The following TENM2 variants were observed in gnomAD, a reference collection of about 807,000 sequenced individuals.
TENM2 encodes the protein teneurin-2.
In TENM2, 52 loss-of-function variants were observed where a neutral mutation model predicts 245.2. The observed-to-expected ratio is 0.21, with a 90% CI of 0.17 to 0.27. TENM2 has a LOEUF of 0.27. Among genes scored for constraint, TENM2 ranks in the 10% least tolerant of loss-of-function variants. The probability of loss-of-function intolerance (pLI) is 1.00; values close to 1 mark genes in which losing one functional copy is unlikely to be tolerated. For synonymous variants in TENM2, 1,363 were observed against 1,438.9 expected (o/e 0.95, Z 1.19); for missense variants, 3,046 against 3,666.8 (o/e 0.83, Z 4.37).
At chr5:168,199,166 C>T in intron 16 of TENM2, 52 bp downstream of exon 18, 1 of 1,559,480 alleles carries the variant, frequency 6.4e-7, no homozygotes, top group Non-Finnish European at 8.7e-7. Context: ...TAACGAAAAC[C>T]AACTGGACAC....
At chr5:168,084,508 C>T (rs944151544) in intron 7 of TENM2, among the ~76,000 whole-genome samples, 4 of 152,248 alleles carry the variant, frequency 2.6e-5, no homozygotes, top group Admixed American at 2.6e-4. Flanking sequence ...AGAGGTATTT[C>T]AGTTGGGTAG....
chr5:167,199,133 A>G, the TENM2 span, among the ~76,000 whole-genome samples: 1 of 149,580 alleles, frequency 6.7e-6, no homozygotes, highest in Non-Finnish European at 1.5e-5. Context: ...AATCACATGC[A>G]TTGTATTGTA....
chr5:167,202,877 A>C, the TENM2 span, among the ~76,000 whole-genome samples: 1 of 152,034 alleles, frequency 6.6e-6, no homozygotes, highest in Non-Finnish European at 1.5e-5. Flanking sequence ...ACCTTAGCAA[A>C]TGACCTACAC....
the TENM2 span, among the ~76,000 whole-genome samples, chr5:167,031,762 T>A: frequency 2.0e-5 from 3 of 152,052 alleles, no homozygotes; most frequent in Non-Finnish European, 4.4e-5. Flanking sequence ...ACGGGGTTTC[T>A]CCATATCAGT....
At chr5:168,117,552 T>C (rs1024577385) in intron 9 of TENM2, among the ~76,000 whole-genome samples, 24 of 152,248 alleles carry the variant, frequency 1.6e-4, no homozygotes, top group Non-Finnish European at 3.2e-4. Flanking sequence ...AGCTGTAACA[T>C]AAATTATGTG....
chr5:167,002,676 A>C, the TENM2 span, among the ~76,000 whole-genome samples: 5 of 151,840 alleles, frequency 3.3e-5, no homozygotes, highest in Non-Finnish European at 5.9e-5. Flanking sequence ...CAAAAAAAAA[A>C]CAGCCCCTGT....
chr5:167,897,435 C>T (rs1316125858), intron 3 of TENM2, among the ~76,000 whole-genome samples: 1 of 152,094 alleles, frequency 6.6e-6, no homozygotes, highest in Admixed American at 6.5e-5. Context: ...AACACAGATG[C>T]TTAGAAAAAG....
At chr5:168,062,002 A>G (rs1790080970) in intron 6 of TENM2, 58 bp from the exon 9 acceptor site, 1 of 1,446,744 alleles carries the variant, frequency 6.9e-7, no homozygotes, top group African/African-American at 1.4e-5. Flanking sequence ...AAACAAATAT[A>G]GAGCCAACTA....
intron 6 of TENM2, among the ~76,000 whole-genome samples, chr5:168,050,661 C>T (rs548465438): frequency 3.9e-5 from 6 of 152,218 alleles, no homozygotes; most frequent in Non-Finnish European, 7.3e-5. Flanking sequence ...ATAGAGATTT[C>T]ATTACCTGGT....
rs1762209010 is a variant in TENM2 at position 168,204,626 on chromosome 5, A to G, written c.3824+5A>G. The G allele has an allele frequency of 1.6e-5, 25 of 1,612,432 alleles. No individual in the cohort carries two copies. Among genetic ancestry groups the G allele is most frequent in the Non-Finnish European group, 2.1e-5 (25 of 1,178,542 alleles). ...GACCAGCATCTTGGAGTTACGGTAA[A>G]TGGCCTCACAGGCAACCTTCTTTTG... On this transcript the variant is annotated splice_donor_5th_base_variant and intron_variant, in intron 19 of 28. Coordinates refer to ENST00000518659, the Ensembl canonical transcript of TENM2.
the TENM2 span, among the ~76,000 whole-genome samples, chr5:167,051,124 G>A: frequency 6.6e-6 from 1 of 151,582 alleles, no homozygotes; most frequent in Non-Finnish European, 1.5e-5. Context: ...ACCTTCCTAT[G>A]AGAGACTATA....
At chr5:167,863,732 A>T (rs1210512926) in intron 2 of TENM2, among the ~76,000 whole-genome samples, 1 of 152,180 alleles carries the variant, frequency 6.6e-6, no homozygotes, top group East Asian at 1.9e-4. Context: ...AGGCCTACAG[A>T]ATGTAAGAAG....
intron 12 of TENM2, among the ~76,000 whole-genome samples, chr5:168,128,212 G>T (rs572885679): frequency 1.3e-5 from 2 of 152,184 alleles, no homozygotes; most frequent in Non-Finnish European, 2.9e-5. Context: ...GCAATCTCTC[G>T]ATGACGCTCC....
chr5:167,369,512 A>G (rs978011728), intron 1 of TENM2, among the ~76,000 whole-genome samples: 1 of 151,990 alleles, frequency 6.6e-6, no homozygotes, highest in African/African-American at 2.4e-5. Context: ...AAGCTTTACA[A>G]TCTAATTATA....
At chr5:167,453,224 T>G (rs1377416292) in intron 2 of TENM2, among the ~76,000 whole-genome samples, 1 of 151,948 alleles carries the variant, frequency 6.6e-6, no homozygotes, top group Admixed American at 6.6e-5. Context: ...GTTAAATACT[T>G]TTTTAAATGG....
chr5:167,465,409 A>G (rs948093693), intron 2 of TENM2, among the ~76,000 whole-genome samples: 1 of 152,224 alleles, frequency 6.6e-6, no homozygotes, highest in Non-Finnish European at 1.5e-5. Flanking sequence ...AAGGAGAATC[A>G]TGAGCTGAAC....
At chr5:167,046,345 A>G in the TENM2 span, among the ~76,000 whole-genome samples, 2 of 152,184 alleles carry the variant, frequency 1.3e-5, no homozygotes, top group African/African-American at 2.4e-5. Flanking sequence ...CCCATTAAAG[A>G]TCTACTTGCT....
chr5:168,138,394 C>T (rs2152393200), intron 12 of TENM2, among the ~76,000 whole-genome samples: 1 of 152,364 alleles, frequency 6.6e-6, no homozygotes. Context: ...ACCACACTTT[C>T]ATATCTTTAC....
chr5:167,398,612 G>A (rs1189652985), intron 2 of TENM2, among the ~76,000 whole-genome samples: 1 of 151,750 alleles, frequency 6.6e-6, no homozygotes, highest in Admixed American at 6.6e-5. Context: ...GCTAATTTTG[G>A]TATTTTTAGT....
Sources: allele counts gnomAD v4.1 joint callset (sites outside exome capture counted in the v4.1 genomes callset), GRCh38; gene constraint gnomAD v4.1.1; transcripts MANE v1.5; gene names NCBI Gene and HGNC (gene_info 2026-07-23, HGNC 2026-07-21).